Variants in ELAVL4 observed in about 807,000 individuals in gnomAD.
ELAVL4 encodes ELAV-like protein 4.
Under a neutral mutation model 35.6 loss-of-function variants are expected in ELAVL4, and 1 was observed. The ratio of observed to expected loss-of-function variants is 0.03; its 90% CI spans 0.01 to 0.13. ELAVL4 has a LOEUF of 0.13. Ranked by LOEUF, ELAVL4 falls within the 10% of genes least tolerant of loss-of-function variation. The pLI, the probability that ELAVL4 is intolerant of heterozygous loss-of-function variation, is 1.00. For missense variants in ELAVL4, 267 were observed against 464.9 expected (o/e 0.57, Z 3.91); for synonymous variants, 156 against 171.0 (o/e 0.91, Z 0.69).
chr1:50,168,260 C>T (rs1678314405), intron 2 of ELAVL4, among the ~76,000 whole-genome samples: 1 of 152,030 alleles, frequency 6.6e-6, no homozygotes, highest in Non-Finnish European at 1.5e-5. Context: ...TCCCCAGCTT[C>T]ATCAGGGTGG....
At chr1:50,120,018 T>C (rs1038121038) in intron 1 of ELAVL4, among the ~76,000 whole-genome samples, 2 of 151,432 alleles carry the variant, frequency 1.3e-5, no homozygotes, top group African/African-American at 2.4e-5. Context: ...AAAAATAAGG[T>C]AATTTCTCTT....
intron 1 of ELAVL4, chr1:50,109,557 C>G: frequency 2.8e-6 from 1 of 363,226 alleles, no homozygotes; most frequent in East Asian, 5.0e-5. Context: ...TGTCTACGTG[C>G]CTGGGTTTTG....
chr1:50,183,787 G>T (rs543536358), intron 3 of ELAVL4, among the ~76,000 whole-genome samples: 1 of 152,190 alleles, frequency 6.6e-6, no homozygotes, highest in South Asian at 2.1e-4. Flanking sequence ...TTCGGCATAA[G>T]CAATTATTTC....
chr1:50,096,996 G>A lies in ELAVL4; in HGVS notation c.19-47961G>A, dbSNP rs534385353. 3.3e-5 allele frequency among the ~76,000 whole-genome samples: 5 copies of A among 152,226 alleles called. No homozygotes were observed. In the East Asian group the frequency reaches 7.7e-4, roughly 23 times the overall value. On this transcript the variant is annotated intron_variant, in intron 1 of 6. Transcript: ENST00000448907. ...TTTGAGAGGCCAAGGCAGGAGGATC[G>A]CTTGAGCCCAGGAGTTTGAGACCAA... is the stretch of plus-strand genomic sequence containing the variant.
chr1:50,145,903 A>G (rs1314234677), intron 2 of ELAVL4, among the ~76,000 whole-genome samples: 3 of 152,222 alleles, frequency 2.0e-5, no homozygotes, highest in African/African-American at 7.2e-5. Flanking sequence ...ACAACTGTTC[A>G]TTGAGAACCA....
At chr1:50,052,253 A>G (rs574566229) in intron 1 of ELAVL4, among the ~76,000 whole-genome samples, 23 of 152,296 alleles carry the variant, frequency 1.5e-4, no homozygotes, top group Admixed American at 3.9e-4. Context: ...GAACAGTTCA[A>G]TTTGGATTTA....
intron 1 of ELAVL4, among the ~76,000 whole-genome samples, chr1:50,092,974 T>C (rs1665558909): frequency 6.6e-6 from 1 of 152,232 alleles, no homozygotes; most frequent in African/African-American, 2.4e-5. Context: ...CTGCCTATTC[T>C]CACTCCAATA....
intron 1 of ELAVL4, among the ~76,000 whole-genome samples, chr1:50,144,339 G>A (rs1673316085): frequency 6.6e-6 from 1 of 151,758 alleles, no homozygotes; most frequent in African/African-American, 2.4e-5. Flanking sequence ...AGAGGTCTGG[G>A]AGAAACAATA....
In ELAVL4 at chr1:50,058,085, A is replaced by G. The variant is rs1401231166; in HGVS notation, c.18+9903A>G. Among the ~76,000 whole-genome samples, 7 of 152,362 alleles carry G rather than the reference A, an allele frequency of 4.6e-5. No individual in the cohort carries two copies. The East Asian group carries it at 1.3e-3, about 29-fold the overall frequency. ...ATTTTTTTCTGATTTTTGAAATGGA[A>G]GAACCAGTCCACGGGGGGAAGTGAT... On this transcript the variant is annotated intron_variant, in intron 1 of 6. Coordinates refer to the ELAVL4 transcript ENST00000448907.
rs1420641199 is a variant in ELAVL4, at chr1:50,201,473, C to T, written c.*295C>T. On this transcript the variant is annotated 3_prime_UTR_variant, in exon 7 of 7. Transcript: ENST00000371824. This position sits in a 1 kb window ranked among gnomAD's most constrained non-coding sequence, Gnocchi z 4.3. ...TGTTGAATATAATATACATAGATAG[C>T]GATGTGCAGGGATTTTTACCCAGCC... is the stretch of plus-strand genomic sequence containing the variant. The T allele has an allele frequency of 1.2e-5, 2 of 173,636 alleles. No homozygotes were observed. Among genetic ancestry groups the T allele is most frequent in the Non-Finnish European group, 2.4e-5 (2 of 83,214 alleles). 10.8% of individuals were successfully genotyped at this position (173,636 alleles called of 1,614,324 possible).
intron 2 of ELAVL4, among the ~76,000 whole-genome samples, chr1:50,157,295 C>A (rs184744268): frequency 6.6e-6 from 1 of 152,110 alleles, no homozygotes; most frequent in African/African-American, 2.4e-5. Flanking sequence ...ACTGACTTTT[C>A]GCACCTTTCT....
chr1:50,191,249 A>G (rs74079141), intron 3 of ELAVL4, among the ~76,000 whole-genome samples: 2,622 of 152,318 alleles, frequency 0.017, 79 homozygotes, highest in African/African-American at 0.06. Flanking sequence ...GTAGATCCTC[A>G]GGAAATATTT....
intron 3 of ELAVL4, among the ~76,000 whole-genome samples, chr1:50,188,187 G>A (rs933824850): frequency 4.6e-5 from 7 of 152,098 alleles, no homozygotes; most frequent in Non-Finnish European, 8.8e-5. Flanking sequence ...TTGAATGGTC[G>A]GCTGTCTTGG....
chr1:50,098,486 A>G (rs1290419347), intron 1 of ELAVL4, among the ~76,000 whole-genome samples: 1 of 152,214 alleles, frequency 6.6e-6, no homozygotes, highest in Non-Finnish European at 1.5e-5. Flanking sequence ...GAAGGTTAAC[A>G]TGAAATAAGC....
intron 1 of ELAVL4, among the ~76,000 whole-genome samples, chr1:50,083,615 T>A (rs1665105884): frequency 6.6e-6 from 1 of 152,184 alleles, no homozygotes; most frequent in African/African-American, 2.4e-5. Context: ...AGTTTTGTTG[T>A]CATTAAACAT....
chr1:50,164,994 A>G (rs968030536), intron 2 of ELAVL4, among the ~76,000 whole-genome samples: 1 of 152,234 alleles, frequency 6.6e-6, no homozygotes, highest in Non-Finnish European at 1.5e-5. Flanking sequence ...AGCGGGGAAC[A>G]GAGACACATT....
chr1:50,079,802 C>T (rs1266293799), intron 1 of ELAVL4, among the ~76,000 whole-genome samples: 1 of 152,152 alleles, frequency 6.6e-6, no homozygotes. Context: ...AGTAATATTA[C>T]TGGGGCTGGG....
chr1:50,162,792 C>T (rs1206935228), intron 2 of ELAVL4, among the ~76,000 whole-genome samples: 1 of 152,300 alleles, frequency 6.6e-6, no homozygotes, highest in East Asian at 1.9e-4. Flanking sequence ...CTATGTTGGT[C>T]AGGCTGGTCT....
At chr1:50,172,627 A>T (rs1201130984) in intron 2 of ELAVL4, among the ~76,000 whole-genome samples, 1 of 152,166 alleles carries the variant, frequency 6.6e-6, no homozygotes, top group Non-Finnish European at 1.5e-5. Context: ...CAGGGACCCT[A>T]AGACCTACCA....
Sources: allele counts gnomAD v4.1 joint callset (sites outside exome capture counted in the v4.1 genomes callset), GRCh38; gene constraint gnomAD v4.1.1; non-coding constraint Gnocchi (gnomAD v3.1); transcripts MANE v1.5; gene names NCBI Gene and HGNC (gene_info 2026-07-23, HGNC 2026-07-21).